KIAA1217: variants seen among roughly 807,000 people sequenced by gnomAD.
The protein encoded by KIAA1217 is KIAA1217.
In KIAA1217, 88 loss-of-function variants were observed where a neutral mutation model predicts 163.9. The ratio of observed to expected loss-of-function variants is 0.54; its 90% CI spans 0.45 to 0.64. The LOEUF is 0.64. Among genes scored for constraint, KIAA1217 ranks in the 30% least tolerant of loss-of-function variants. The pLI is 0.00. For missense variants in KIAA1217, 2,372 were observed against 2,475.0 expected, an observed-to-expected ratio of 0.96 and a Z score of 0.88; for synonymous variants, 903 against 923.1, an observed-to-expected ratio of 0.98 and a Z score of 0.39.
intron 5 of KIAA1217, among the ~76,000 whole-genome samples, chr10:24,447,440 A>G (rs2061033742): frequency 6.6e-6 from 1 of 151,934 alleles, no homozygotes; most frequent in Non-Finnish European, 1.5e-5. Flanking sequence ...CCTGTGTCCA[A>G]GTGTTCTCAT....
chr10:23,907,595 C>G (rs1023098546), intron 1 of KIAA1217, among the ~76,000 whole-genome samples: 6 of 152,022 alleles, frequency 3.9e-5, no homozygotes, highest in African/African-American at 9.7e-5. Context: ...AGATGGATGT[C>G]CCAGCTGACA....
At chr10:24,186,637 T>C (rs1293926353) in intron 2 of KIAA1217, among the ~76,000 whole-genome samples, 1 of 152,142 alleles carries the variant, frequency 6.6e-6, no homozygotes, top group African/African-American at 2.4e-5. Flanking sequence ...ACCCCTGTAA[T>C]CCCACCACTT....
At chr10:24,438,945 A>C (rs1169914283) in intron 5 of KIAA1217, among the ~76,000 whole-genome samples, 1 of 152,180 alleles carries the variant, frequency 6.6e-6, no homozygotes, top group African/African-American at 2.4e-5. Context: ...CTTCTAATTC[A>C]GGAGCTACCC....
At chr10:24,119,990 C>G (rs1354767634) in intron 2 of KIAA1217, among the ~76,000 whole-genome samples, 1 of 152,198 alleles carries the variant, frequency 6.6e-6, no homozygotes, top group Non-Finnish European at 1.5e-5. Flanking sequence ...AAGTAGGGTG[C>G]TGCATTCTTC....
At chr10:24,147,658 C>T (rs890547849) in intron 2 of KIAA1217, among the ~76,000 whole-genome samples, 6 of 151,686 alleles carry the variant, frequency 4.0e-5, no homozygotes, top group Non-Finnish European at 7.4e-5. Flanking sequence ...GCCTGGCCAA[C>T]ATGACGAAAT....
At chr10:23,760,859 A>G (rs997543773) in intron 1 of KIAA1217, among the ~76,000 whole-genome samples, 1 of 152,202 alleles carries the variant, frequency 6.6e-6, no homozygotes, top group Non-Finnish European at 1.5e-5. Context: ...GAAAAAAAGA[A>G]AAGTTCAGAC....
chr10:24,003,541 T>C (rs1846850638), intron 1 of KIAA1217, among the ~76,000 whole-genome samples: 1 of 152,204 alleles, frequency 6.6e-6, no homozygotes, highest in African/African-American at 2.4e-5. Context: ...TTGATGAAAA[T>C]GCACCTTACT....
At chr10:24,046,088 C>T (rs1234583017) in intron 2 of KIAA1217, among the ~76,000 whole-genome samples, 1 of 151,484 alleles carries the variant, frequency 6.6e-6, no homozygotes, top group Non-Finnish European at 1.5e-5. Context: ...GTCCTGATTT[C>T]ATTTATTTAT....
chr10:23,951,810 G>A (rs879050520), intron 1 of KIAA1217, among the ~76,000 whole-genome samples: 1 of 152,170 alleles, frequency 6.6e-6, no homozygotes, highest in Admixed American at 6.5e-5. Flanking sequence ...AATGGTGACT[G>A]TTTAATTCCT....
In KIAA1217 at chr10:24,542,690, C is replaced by T; in HGVS notation, c.3535-3C>T. 1 of 1,613,710 alleles carries T rather than the reference C, an allele frequency of 6.2e-7. No homozygotes were observed. The highest frequency in any genetic ancestry group is 8.5e-7 in the Non-Finnish European group (1 of 1,179,654). On this transcript the variant is annotated splice_polypyrimidine_tract_variant and splice_region_variant and intron_variant, in intron 17 of 20. Coordinates refer to ENST00000376454, the MANE Select transcript of KIAA1217 (RefSeq NM_019590.5). Reference sequence around the variant, plus strand: ...AGTAACATGTCCTACACTATTCTACCAGAATTTGGAATTTTTCCATGAAGA... The same window carrying T: ...AGTAACATGTCCTACACTATTCTACTAGAATTTGGAATTTTTCCATGAAGA...
intron 1 of KIAA1217, among the ~76,000 whole-genome samples, chr10:23,763,026 G>A (rs1170097989): frequency 6.6e-6 from 1 of 151,932 alleles, no homozygotes; most frequent in Non-Finnish European, 1.5e-5. Flanking sequence ...TGCTACAAAG[G>A]AATAAAATAC....
intron 5 of KIAA1217, chr10:24,449,486 T>C (rs2061227190): frequency 1.0e-6 from 1 of 985,434 alleles, no homozygotes; most frequent in Non-Finnish European, 1.2e-6. Flanking sequence ...GTTATGCTGA[T>C]TTCCGGGACA....
At chr10:24,443,995 CTGTT>C (rs1347006533) in intron 5 of KIAA1217, among the ~76,000 whole-genome samples, 4 of 138,008 alleles carry the variant, frequency 2.9e-5, no homozygotes, top group Non-Finnish European at 6.6e-5. Context: ...ATAATAAAAT[CTGTT>C]TGTTTTCTTT....
intron 2 of KIAA1217, among the ~76,000 whole-genome samples, chr10:24,349,053 C>T (rs184063583): frequency 6.7e-6 from 1 of 149,510 alleles, no homozygotes; most frequent in Admixed American, 6.8e-5. Context: ...CACTTGAGCC[C>T]AGGAGGTAAG....
chr10:24,505,645 AGAGGATGGC>A (rs935319862), intron 9 of KIAA1217, among the ~76,000 whole-genome samples: 3 of 152,060 alleles, frequency 2.0e-5, no homozygotes, highest in Non-Finnish European at 4.4e-5. Context: ...TGGCATAAAG[AGAGGATGGC>A]GACCTCCTAC....
chr10:24,310,615 C>T lies in KIAA1217; in HGVS notation c.355-70254C>T, dbSNP rs1449946692. On this transcript the variant is annotated intron_variant, in intron 2 of 20. Coordinates refer to ENST00000376454, the MANE Select transcript of KIAA1217 (RefSeq NM_019590.5). Reference sequence around the variant, plus strand: ...CCTCTACATTTTTAAGCAAGATCAACAGAACCCAGTGGAGTTCCATGGAGT... The same window carrying T: ...CCTCTACATTTTTAAGCAAGATCAATAGAACCCAGTGGAGTTCCATGGAGT... Among the ~76,000 whole-genome samples the T allele has an allele frequency of 2.0e-5, 3 of 152,236 alleles. No individual in the cohort carries two copies. In the East Asian group the frequency reaches 5.8e-4, roughly 29 times the overall value.
chr10:24,139,378 T>C (rs2063961969), intron 2 of KIAA1217, among the ~76,000 whole-genome samples: 1 of 152,198 alleles, frequency 6.6e-6, no homozygotes, highest in African/African-American at 2.4e-5. Context: ...TATTGATTTC[T>C]CATATATTGT....
At chr10:24,388,180 C>T (rs531739969) in intron 3 of KIAA1217, among the ~76,000 whole-genome samples, 1 of 152,212 alleles carries the variant, frequency 6.6e-6, no homozygotes, top group Non-Finnish European at 1.5e-5. Flanking sequence ...GTAACCAAAA[C>T]AGCATGGTAC....
In KIAA1217 at chr10:24,536,814, G is replaced by A. The variant is rs377092416; in HGVS notation, c.3455G>A (p.Ser1152Asn). The A allele has an allele frequency of 7.4e-6, 12 of 1,613,832 alleles. No homozygotes were observed. The highest frequency in any genetic ancestry group is 1.0e-5 in the Non-Finnish European group (12 of 1,179,892). Reference sequence around the variant, plus strand: ...TCCTTTATGGATGTAAATTCAAACAGTCATGCTGAGCCATCCCGGGCTGAC... The same window carrying A: ...TCCTTTATGGATGTAAATTCAAACAATCATGCTGAGCCATCCCGGGCTGAC... Reference protein sequence around the residue: ...KCSFMDVNSNSHAEPSRADSH... With the variant: ...KCSFMDVNSNNHAEPSRADSH... The change falls in exon 17 of 21, where the codon AGT becomes AAT. Residue 1152 changes from serine to asparagine, a missense_variant. Around this residue, in one of 3 missense-constraint regions of KIAA1217, gnomAD observed 251 missense variants for 327.3 expected, o/e 0.77. Transcript: ENST00000376454.
Sources: allele counts gnomAD v4.1 joint callset (sites outside exome capture counted in the v4.1 genomes callset), GRCh38; gene constraint gnomAD v4.1.1; regional missense constraint gnomAD v4.1.1; transcripts MANE v1.5; gene names NCBI Gene and HGNC (gene_info 2026-07-23, HGNC 2026-07-21).